Variants in ANKRD33B observed in about 807,000 individuals in gnomAD.
ANKRD33B encodes the protein ankyrin repeat domain-containing protein 33B.
Under a neutral mutation model 21.5 loss-of-function variants are expected in ANKRD33B, and 6 were observed. That is an observed-to-expected ratio of 0.28 (90% CI 0.15 to 0.55). The LOEUF (loss-of-function observed/expected upper bound fraction) is 0.55. ANKRD33B is among the 20% of genes least tolerant of loss of function. The pLI, the probability that ANKRD33B is intolerant of heterozygous loss-of-function variation, is 0.94. For missense variants in ANKRD33B, 698 were observed against 747.2 expected (o/e 0.93, Z 0.77); for synonymous variants, 347 against 342.4 (o/e 1.01, Z -0.15).
At chr5:10,574,172 A>C (rs1305843366) in intron 1 of ANKRD33B, among the ~76,000 whole-genome samples, 1 of 152,246 alleles carries the variant, frequency 6.6e-6, no homozygotes, top group Non-Finnish European at 1.5e-5. Context: ...TGTGAATGAA[A>C]CATATTTTCT....
At chr5:10,591,394 C>T (rs2126561117) in intron 1 of ANKRD33B, among the ~76,000 whole-genome samples, 1 of 152,044 alleles carries the variant, frequency 6.6e-6, no homozygotes, top group East Asian at 1.9e-4. Context: ...CAGGATTTCA[C>T]CATATTGGCC....
intron 1 of ANKRD33B, among the ~76,000 whole-genome samples, chr5:10,605,436 A>G (rs1393828987): frequency 6.6e-6 from 1 of 152,230 alleles, no homozygotes; most frequent in East Asian, 1.9e-4. Context: ...CATGACAGAC[A>G]TACATGGTAC....
intron 1 of ANKRD33B, among the ~76,000 whole-genome samples, chr5:10,613,089 T>C (rs1161089132): frequency 2.6e-5 from 4 of 152,194 alleles, no homozygotes; most frequent in South Asian, 2.1e-4. Context: ...TGTGGTACCA[T>C]AGGCCCCACG....
intron 2 of ANKRD33B, among the ~76,000 whole-genome samples, chr5:10,622,794 C>CTTTTTTTT (rs1436392852): frequency 1.3e-4 from 10 of 78,596 alleles, no homozygotes; most frequent in African/African-American, 1.5e-4. Context: ...TTTGTTTTTG[C>CTTTTTTTT]TTTATTTTAT....
At chr5:10,633,717 T>C (rs1372225509) in intron 2 of ANKRD33B, among the ~76,000 whole-genome samples, 1 of 152,236 alleles carries the variant, frequency 6.6e-6, no homozygotes, top group Non-Finnish European at 1.5e-5. Context: ...CTCTTGTTTT[T>C]CATGACCTCG....
chr5:10,586,837 G>A (rs561390528), intron 1 of ANKRD33B, among the ~76,000 whole-genome samples: 3 of 152,092 alleles, frequency 2.0e-5, no homozygotes, highest in Admixed American at 6.6e-5. Context: ...ACATAGACCA[G>A]GACATTATTA....
chr5:10,593,014 G>C (rs1222788321), intron 1 of ANKRD33B, among the ~76,000 whole-genome samples: 1 of 152,024 alleles, frequency 6.6e-6, no homozygotes, highest in African/African-American at 2.4e-5. Flanking sequence ...TCCTCTGTTA[G>C]GTAAGGACCT....
Position 10,594,510 on chromosome 5 carries a change from G to A in ANKRD33B, c.367-23823G>A, listed in dbSNP as rs535399807. Among the ~76,000 whole-genome samples, 10 of 152,110 alleles carry A rather than the reference G, an allele frequency of 6.6e-5. No individual in the cohort carries two copies. The East Asian group carries it at 1.5e-3, about 24-fold the overall frequency. Reference sequence around the variant, plus strand: ...TGGGATTACAGGTGTGAACCACCACGCCCAGCCAAAAACACATTCTTCTTT... The same window carrying A: ...TGGGATTACAGGTGTGAACCACCACACCCAGCCAAAAACACATTCTTCTTT... On this transcript the variant is annotated intron_variant, in intron 1 of 3. Coordinates refer to ENST00000296657, the MANE Select transcript of ANKRD33B (RefSeq NM_001164440.2).
intron 1 of ANKRD33B, among the ~76,000 whole-genome samples, chr5:10,597,872 A>C (rs1735849837): frequency 6.6e-6 from 1 of 152,254 alleles, no homozygotes; most frequent in Non-Finnish European, 1.5e-5. Context: ...ATGCTTTCTA[A>C]TGTGAACCTC....
At position 10,651,061 on chromosome 5, in the gene ANKRD33B, A is replaced by T. The variant is rs1157895497; in HGVS notation, c.*948A>T. The T allele has an allele frequency of 2.0e-5, 3 of 152,454 alleles. No homozygotes were observed. Among genetic ancestry groups the T allele is most frequent in the East Asian group, 1.9e-4 (1 of 5,326 alleles). 9.4% of individuals were successfully genotyped at this position (152,454 alleles called of 1,614,324 possible). On this transcript the variant is annotated 3_prime_UTR_variant, in exon 4 of 4. Coordinates refer to ENST00000296657, the MANE Select transcript of ANKRD33B (RefSeq NM_001164440.2). ...ATCCTTAAAATGTCAAAAAGATGCA[A>T]CAAGAGTCAGGAGCCCAGAATGACG...
intron 1 of ANKRD33B, among the ~76,000 whole-genome samples, chr5:10,598,410 G>A (rs895387181): frequency 1.3e-5 from 2 of 152,084 alleles, no homozygotes; most frequent in African/African-American, 4.8e-5. Flanking sequence ...GGGATTACAG[G>A]CATGCACCAC....
intron 1 of ANKRD33B, among the ~76,000 whole-genome samples, chr5:10,604,378 A>G (rs1252268180): frequency 6.7e-6 from 1 of 150,188 alleles, no homozygotes; most frequent in Non-Finnish European, 1.5e-5. Context: ...TTTTTGGTAG[A>G]GATGGGGTTT....
intron 1 of ANKRD33B, among the ~76,000 whole-genome samples, chr5:10,601,378 C>T (rs1387850701): frequency 2.6e-5 from 4 of 152,220 alleles, no homozygotes; most frequent in Admixed American, 6.5e-5. Context: ...ACATGCTTGC[C>T]TCCCGCCTGG....
At chr5:10,582,914 T>G (rs192461829) in intron 1 of ANKRD33B, among the ~76,000 whole-genome samples, 76 of 152,318 alleles carry the variant, frequency 5.0e-4, no homozygotes, top group Admixed American at 1.4e-3. Flanking sequence ...ATGAGGGAGA[T>G]GCTCAACCTC....
chr5:10,565,548 A>T (rs544567346), intron 1 of ANKRD33B, among the ~76,000 whole-genome samples: 9 of 152,288 alleles, frequency 5.9e-5, no homozygotes, highest in Admixed American at 3.9e-4. Flanking sequence ...GCGGGCATCC[A>T]CCCGGGTAGG....
rs76041675 is a variant in ANKRD33B, at chr5:10,591,657, T to G, written c.367-26676T>G. Among the ~76,000 whole-genome samples, 5 of 152,328 alleles carry G rather than the reference T, an allele frequency of 3.3e-5. No individual in the cohort carries two copies. The East Asian group carries it at 9.6e-4, about 29-fold the overall frequency. On this transcript the variant is annotated intron_variant, in intron 1 of 3. Coordinates refer to ENST00000296657, the MANE Select transcript of ANKRD33B (RefSeq NM_001164440.2). Reference sequence around the variant, plus strand: ...TGTTAAGCATATGGTGTCTCATTAATATTTTAATTTACATTATTTTGCTTA... The same window carrying G: ...TGTTAAGCATATGGTGTCTCATTAAGATTTTAATTTACATTATTTTGCTTA...
chr5:10,584,999 A>C (rs7712927), intron 1 of ANKRD33B, among the ~76,000 whole-genome samples: 14,955 of 152,242 alleles, frequency 0.098, 1,117 homozygotes, highest in African/African-American at 0.2. Flanking sequence ...TAGAGCTGGA[A>C]TGTTCTAGAA....
chr5:10,565,189 C>T (rs570045268), intron 1 of ANKRD33B, among the ~76,000 whole-genome samples: 227 of 152,316 alleles, frequency 1.5e-3, no homozygotes, highest in Middle Eastern at 3.4e-3. Flanking sequence ...CGGCCCGGTC[C>T]CCTCCTGACT....
At chr5:10,606,298 C>T (rs1326694418) in intron 1 of ANKRD33B, among the ~76,000 whole-genome samples, 1 of 152,210 alleles carries the variant, frequency 6.6e-6, no homozygotes, top group African/African-American at 2.4e-5. Flanking sequence ...ATCCTGATTA[C>T]AGGGCTACAA....
Sources: allele counts gnomAD v4.1 joint callset (sites outside exome capture counted in the v4.1 genomes callset), GRCh38; gene constraint gnomAD v4.1.1; transcripts MANE v1.5; gene names NCBI Gene and HGNC (gene_info 2026-07-23, HGNC 2026-07-21).